The following ORC4 variants were observed in gnomAD, a reference collection of about 807,000 sequenced individuals.
ORC4 encodes the protein origin recognition complex, subunit 4 homolog.
ORC4 carries 55 observed loss-of-function variants against 63.9 expected under a neutral mutation model. That is an observed-to-expected ratio of 0.86 (90% CI 0.69 to 1.08). The LOEUF is 1.08. Among genes scored for constraint, ORC4 ranks in the 50% least tolerant of loss-of-function variants. The pLI, the probability that ORC4 is intolerant of heterozygous loss-of-function variation, is 0.00. For synonymous variants in ORC4, 150 were observed against 168.5 expected (o/e 0.89, Z 0.85); for missense variants, 511 against 504.4 (o/e 1.01, Z -0.13).
At chr2:148,013,231 G>A (rs754371927) in intron 1 of ORC4, among the ~76,000 whole-genome samples, 1 of 151,952 alleles carries the variant, frequency 6.6e-6, no homozygotes, top group Non-Finnish European at 1.5e-5. Flanking sequence ...TATACACAAT[G>A]GAATGTTATT....
At chr2:147,995,206 T>G (rs1691883328) in intron 1 of ORC4, among the ~76,000 whole-genome samples, 1 of 151,170 alleles carries the variant, frequency 6.6e-6, no homozygotes, top group Admixed American at 6.6e-5. Flanking sequence ...CAATCAGCAC[T>G]CTATAAAAAC....
chr2:148,004,571 A>C (rs1379508183), intron 1 of ORC4, among the ~76,000 whole-genome samples: 1 of 152,212 alleles, frequency 6.6e-6, no homozygotes, highest in Non-Finnish European at 1.5e-5. Flanking sequence ...AGCCATATGG[A>C]GAAAACTGAA....
At chr2:147,948,986 T>C (rs1688803233) in intron 8 of ORC4, among the ~76,000 whole-genome samples, 1 of 146,554 alleles carries the variant, frequency 6.8e-6, no homozygotes, top group African/African-American at 2.5e-5. Context: ...AAATATATTA[T>C]AGTACACAGC....
chr2:147,937,381 G>A (rs1007669084), intron 13 of ORC4, among the ~76,000 whole-genome samples: 1 of 152,022 alleles, frequency 6.6e-6, no homozygotes, highest in African/African-American at 2.4e-5. Context: ...TTCTGAGCAT[G>A]TTTAGAACAA....
chr2:147,978,126 C>A (rs1318385988), intron 1 of ORC4, among the ~76,000 whole-genome samples: 2 of 152,100 alleles, frequency 1.3e-5, no homozygotes, highest in African/African-American at 4.8e-5. Flanking sequence ...GCTGGGTAGG[C>A]AGAACTGCTC....
At chr2:147,941,613 G>T (rs1688367496) in intron 10 of ORC4, among the ~76,000 whole-genome samples, 1 of 151,906 alleles carries the variant, frequency 6.6e-6, no homozygotes. Context: ...CTAAGAATAT[G>T]AGTAAGCAGC....
At chr2:147,994,662 C>T (rs970812864) in intron 1 of ORC4, among the ~76,000 whole-genome samples, 5 of 152,158 alleles carry the variant, frequency 3.3e-5, no homozygotes, top group African/African-American at 1.2e-4. Context: ...TGACACAGAC[C>T]TTACAAGTTT....
intron 10 of ORC4, among the ~76,000 whole-genome samples, chr2:147,942,435 T>C (rs755968230): frequency 6.6e-6 from 1 of 152,092 alleles, no homozygotes; most frequent in Non-Finnish European, 1.5e-5. Context: ...ATTCCAGGTA[T>C]ATAAGGCTGG....
chr2:147,975,966 A>G lies in ORC4; in HGVS notation c.-8T>C. ...TGATTTACGACTGCTCATTTCAACA[A>G]ATTCAAATCCTTTAAAAAAATTGGC... On this transcript the variant is annotated 5_prime_UTR_variant, in exon 2 of 14. Transcript: ENST00000392857. 1 of 1,522,046 alleles carries G rather than the reference A, an allele frequency of 6.6e-7. No homozygotes were observed. The highest frequency in any genetic ancestry group is 8.9e-7 in the Non-Finnish European group (1 of 1,123,834). The allele number at this position is 1,522,046 out of a possible 1,614,324, so 94.3% of individuals were successfully genotyped here.
intron 6 of ORC4, 97 bp from the exon 7 acceptor site, chr2:147,955,492 T>C: frequency 2.4e-6 from 2 of 829,358 alleles, no homozygotes; most frequent in South Asian, 1.5e-5. Flanking sequence ...ACACTGTATA[T>C]CTTCTAGTTA....
intron 1 of ORC4, among the ~76,000 whole-genome samples, chr2:148,017,442 TG>T (rs934442253): frequency 1.1e-4 from 17 of 152,276 alleles, no homozygotes; most frequent in African/African-American, 4.1e-4. Context: ...AAGCCCAAGG[TG>T]GGTGGATCAC....
chr2:147,954,315 C>T (rs532844472), intron 7 of ORC4, among the ~76,000 whole-genome samples: 48 of 152,232 alleles, frequency 3.2e-4, no homozygotes, highest in African/African-American at 1.2e-3. Flanking sequence ...GAGATACGTT[C>T]TGAGAAATGT....
At position 147,958,826 on chromosome 2, in the gene ORC4, T is replaced by A. The variant is rs1689414097; in HGVS notation, c.266A>T (p.Glu89Val). 1 of 1,459,728 alleles carries A rather than the reference T, an allele frequency of 6.9e-7. No homozygotes were observed. The highest frequency in any genetic ancestry group is 9.6e-7 in the Non-Finnish European group (1 of 1,041,056). The allele number at this position is 1,459,728 out of a possible 1,614,324, so 90.4% of individuals were successfully genotyped here. A position where few individuals can be genotyped will look rare whatever the true frequency, so the allele number is the denominator to read the frequency against. The change falls in exon 5 of 14, where the codon GAA becomes GTA. Residue 89 changes from glutamate to valine, a missense_variant. Glu to Val is a moderately radical substitution (Grantham distance 121, BLOSUM62 -2). Coordinates refer to ENST00000392857, the MANE Select transcript of ORC4 (RefSeq NM_181741.4). ...AACTTGTAATACATTTTCACTCACT[T>A]CTTCTATTTCCATGAGTTCTTTCAA... Reference protein sequence around the residue: ...HALKELMEIEEVSENVLQVHL... With the variant: ...HALKELMEIEVVSENVLQVHL...
intron 1 of ORC4, among the ~76,000 whole-genome samples, chr2:148,019,045 T>C (rs1373283759): frequency 2.8e-5 from 4 of 141,756 alleles, no homozygotes; most frequent in African/African-American, 1.0e-4. Flanking sequence ...TTAACTGCCT[T>C]GCTGGTATTT....
At chr2:147,941,395 A>T (rs141956224) in intron 10 of ORC4, among the ~76,000 whole-genome samples, 15 of 152,130 alleles carry the variant, frequency 9.9e-5, no homozygotes, top group African/African-American at 2.9e-4. Context: ...TTGCTCTCCA[A>T]AGCACTTACA....
intron 4 of ORC4, among the ~76,000 whole-genome samples, chr2:147,967,196 G>A (rs1019448270): frequency 4.6e-5 from 7 of 151,764 alleles, no homozygotes; most frequent in African/African-American, 1.5e-4. Context: ...ACACAGTAAA[G>A]GCCATATATG....
chr2:147,957,995 C>CT (rs1689359127), intron 6 of ORC4, among the ~76,000 whole-genome samples: 1 of 152,050 alleles, frequency 6.6e-6, no homozygotes, highest in South Asian at 2.1e-4. Flanking sequence ...GTTAATCTAT[C>CT]TCCAGAGATA....
At chr2:148,006,040 C>A (rs79103486) in intron 1 of ORC4, among the ~76,000 whole-genome samples, 1,928 of 152,198 alleles carry the variant, frequency 0.013, 45 homozygotes, top group African/African-American at 0.044. Context: ...TGAGTAATCA[C>A]GGCACCTGGT....
At chr2:148,020,984 TCCTCC>T, upstream of ORC4, 1 of 152,058 alleles carries the variant, frequency 6.6e-6, no homozygotes. Flanking sequence ...ATAGCTCATT[TCCTCC>T]CCTCCCCCTC....
Sources: allele counts gnomAD v4.1 joint callset (sites outside exome capture counted in the v4.1 genomes callset), GRCh38; gene constraint gnomAD v4.1.1; transcripts MANE v1.5; gene names NCBI Gene and HGNC (gene_info 2026-07-23, HGNC 2026-07-21).